The following SLX9 variants were observed in gnomAD, a reference collection of about 807,000 sequenced individuals.
SLX9 encodes SLX9 ribosome biogenesis factor, also known as ribosome biogenesis protein SLX9 homolog.
SLX9 carries 19 observed loss-of-function variants against 20.8 expected under a neutral mutation model. That is an observed-to-expected ratio of 0.91 (90% confidence interval 0.64 to 1.34). SLX9 has a LOEUF of 1.34. Among genes scored for constraint, SLX9 ranks in the 40% most tolerant of loss-of-function variants. The pLI is 0.00. For synonymous variants in SLX9, 113 were observed against 137.1 expected (o/e 0.82, Z 1.23); for missense variants, 299 against 322.2 (o/e 0.93, Z 0.55).
At chr21:44,971,737 C>T (rs2085153691) in intron 4 of SLX9, among the ~76,000 whole-genome samples, 2 of 152,032 alleles carry the variant, frequency 1.3e-5, no homozygotes, top group Non-Finnish European at 2.9e-5. Context: ...GGATGGGGAC[C>T]GGGGACAGCT....
chr21:44,941,079 C>A (rs1047455829), intron 1 of SLX9, among the ~76,000 whole-genome samples: 1 of 151,928 alleles, frequency 6.6e-6, no homozygotes, highest in Non-Finnish European at 1.5e-5. Flanking sequence ...TTCTCTTCTC[C>A]TGTTCCTCCT....
intron 2 of SLX9, among the ~76,000 whole-genome samples, chr21:44,944,951 C>T (rs73906960): frequency 0.024 from 3,730 of 152,288 alleles, 164 homozygotes; most frequent in African/African-American, 0.086. Flanking sequence ...TGGTGTGAAA[C>T]GTTTAAAACA....
chr21:44,966,902 TG>T, intron 3 of SLX9, 131 bp from the exon 4 acceptor site: 1 of 1,166,074 alleles, frequency 8.6e-7, no homozygotes, highest in Non-Finnish European at 1.2e-6. Context: ...AGGGGCGGAA[TG>T]GGGGTGACAG....
intron 2 of SLX9, among the ~76,000 whole-genome samples, chr21:44,948,559 A>G (rs1288405389): frequency 6.6e-6 from 1 of 152,202 alleles, no homozygotes; most frequent in African/African-American, 2.4e-5. Flanking sequence ...AGGGTGGGGC[A>G]AGGCCTGGTA....
intron 2 of SLX9, among the ~76,000 whole-genome samples, chr21:44,950,620 G>A (rs1156583261): frequency 6.6e-6 from 1 of 152,258 alleles, no homozygotes; most frequent in African/African-American, 2.4e-5. Context: ...TCGGAGGTGT[G>A]GCCTATGCCA....
chr21:44,943,385 A>G (rs1172935626), intron 1 of SLX9, among the ~76,000 whole-genome samples: 1 of 152,078 alleles, frequency 6.6e-6, no homozygotes, highest in Non-Finnish European at 1.5e-5. Flanking sequence ...AATGGTTGGG[A>G]AGGAAATTTG....
intron 5 of SLX9, among the ~76,000 whole-genome samples, chr21:44,976,229 A>ATC (rs1448400089): frequency 1.3e-5 from 2 of 152,134 alleles, no homozygotes; most frequent in African/African-American, 4.8e-5. Context: ...CGTGGCACCC[A>ATC]TCTGGGGCTG....
chr21:44,947,911 T>C (rs1210056673), intron 2 of SLX9, among the ~76,000 whole-genome samples: 1 of 152,200 alleles, frequency 6.6e-6, no homozygotes, highest in East Asian at 1.9e-4. Context: ...GTGGACCCCA[T>C]GTCGGGGCTA....
At position 44,967,494 on chromosome 21, in the gene SLX9, T is replaced by A. The variant is rs1057436721; in HGVS notation, c.500+313T>A. On this transcript the variant is annotated intron_variant, in intron 4 of 5. Transcript: ENST00000291634. Reference sequence around the variant, plus strand: ...GACCACAGCTCCTGCCGGGTCCCACTGGGGGTCCCCCCAACTCACTGTTCT... The same window carrying A: ...GACCACAGCTCCTGCCGGGTCCCACAGGGGGTCCCCCCAACTCACTGTTCT... Among the ~76,000 whole-genome samples, 5 of 152,154 alleles carry A rather than the reference T, an allele frequency of 3.3e-5. No homozygotes were observed. In the East Asian group the frequency reaches 7.7e-4, roughly 23 times the overall value.
intron 2 of SLX9, among the ~76,000 whole-genome samples, chr21:44,955,830 A>T (rs2084847747): frequency 6.6e-6 from 1 of 152,186 alleles, no homozygotes; most frequent in Admixed American, 6.5e-5. Context: ...AAACGGAGTA[A>T]AGACATTTGT....
chr21:44,950,289 G>A (rs945549440), intron 2 of SLX9, among the ~76,000 whole-genome samples: 13 of 12,446 alleles, frequency 1.0e-3, no homozygotes, highest in African/African-American at 2.8e-3. Context: ...TGAAGTCAAG[G>A]GTATGACAGG....
At chr21:44,972,930 G>T (rs1173402078) in intron 4 of SLX9, 3 of 566,272 alleles carry the variant, frequency 5.3e-6, no homozygotes, top group East Asian at 5.8e-5. Context: ...ATTCCACACG[G>T]AGCAGCTTGG....
chr21:44,966,604 C>T (rs534099540), intron 3 of SLX9, among the ~76,000 whole-genome samples: 1 of 152,348 alleles, frequency 6.6e-6, no homozygotes, highest in South Asian at 2.1e-4. Flanking sequence ...GGCTTCTCCC[C>T]TTCCCTCTGG....
chr21:44,943,195 C>CAGGGATG (rs146076463), intron 1 of SLX9, among the ~76,000 whole-genome samples: 3,709 of 152,132 alleles, frequency 0.024, 163 homozygotes, highest in African/African-American at 0.086. Flanking sequence ...AATCTTCATG[C>CAGGGATG]AGGGATGAGT....
chr21:44,967,182 G>A lies in SLX9; in HGVS notation c.500+1G>A. The A allele has an allele frequency of 6.3e-7, 1 of 1,576,320 alleles. No homozygotes were observed. Among genetic ancestry groups the A allele is most frequent in the Non-Finnish European group, 8.6e-7 (1 of 1,162,104 alleles). ...CTGGCAGCCGGCGCCAAGCCCGCAG[G>A]TGAGTGTCCGGGAGGGGTGGCCCTT... On this transcript the variant is annotated splice_donor_variant, in intron 4 of 5. Transcript: ENST00000291634. LOFTEE classifies it high-confidence loss of function.
intron 2 of SLX9, chr21:44,959,347 A>C: frequency 1.2e-6 from 1 of 807,594 alleles, no homozygotes. Context: ...AGGCCGAGGA[A>C]ATGGGGGTGC....
upstream of SLX9, chr21:44,939,858 T>G (rs563183773): frequency 2.5e-3 from 1,438 of 578,994 alleles, 6 homozygotes; most frequent in Non-Finnish European, 3.3e-3. Context: ...TCCTCCGGTC[T>G]GTTTCTCCCA....
At chr21:44,975,547 C>T (rs574021324) in intron 5 of SLX9, among the ~76,000 whole-genome samples, 1 of 152,274 alleles carries the variant, frequency 6.6e-6, no homozygotes, top group African/African-American at 2.4e-5. Context: ...TTTCCTTCCC[C>T]AGCTCTGACC....
intron 1 of SLX9, among the ~76,000 whole-genome samples, chr21:44,941,869 G>C (rs150340246): frequency 6.6e-6 from 1 of 152,172 alleles, no homozygotes; most frequent in Non-Finnish European, 1.5e-5. Flanking sequence ...ACCCTTAGGC[G>C]TGAGAGCCCT....
Sources: gnomAD v4.1 joint callset for allele counts (sites outside exome capture counted in the v4.1 genomes callset) on GRCh38, gnomAD v4.1.1 for gene constraint, MANE v1.5 for transcripts, NCBI Gene and HGNC (gene_info 2026-07-23, HGNC 2026-07-21) for gene names.